Variants in SLC8A1 observed in about 807,000 individuals in gnomAD.
The protein encoded by SLC8A1 is solute carrier family 8 member A1.
Under a neutral mutation model 68.3 loss-of-function variants are expected in SLC8A1, and 18 were observed. The ratio of observed to expected loss-of-function variants is 0.26; its 90% confidence interval spans 0.18 to 0.39. The LOEUF (loss-of-function observed/expected upper bound fraction) is 0.39, where lower values mean the gene tolerates loss of function less well. SLC8A1 is among the 10% of genes least tolerant of loss of function. SLC8A1 has a pLI of 1.00. For missense variants in SLC8A1, 985 were observed against 1,156.7 expected (o/e 0.85, Z 2.15); for synonymous variants, 475 against 415.5 (o/e 1.14, Z -1.74).
intron 2 of SLC8A1, among the ~76,000 whole-genome samples, chr2:40,246,680 T>A (rs1233385499): frequency 6.6e-6 from 1 of 152,196 alleles, no homozygotes; most frequent in Non-Finnish European, 1.5e-5. Context: ...ACTTCATTAA[T>A]TCCAGAAGAT....
chr2:40,170,929 C>A (rs2047376507), intron 4 of SLC8A1, among the ~76,000 whole-genome samples: 1 of 152,114 alleles, frequency 6.6e-6, no homozygotes, highest in Admixed American at 6.5e-5. Context: ...TTATGTACGC[C>A]TGTAGGTTTT....
intron 2 of SLC8A1, among the ~76,000 whole-genome samples, chr2:40,185,363 A>G (rs1444167904): frequency 1.3e-5 from 2 of 152,232 alleles, no homozygotes. Context: ...TGATAAATGG[A>G]TAAATAATAT....
chr2:40,281,263 T>TG (rs549673263), intron 2 of SLC8A1, among the ~76,000 whole-genome samples: 78 of 151,808 alleles, frequency 5.1e-4, no homozygotes, highest in East Asian at 4.3e-3. Context: ...AAAAAAGGGT[T>TG]GGGGGGGTGC....
At chr2:40,444,356 A>G (rs552523714) in intron 1 of SLC8A1, among the ~76,000 whole-genome samples, 25 of 152,242 alleles carry the variant, frequency 1.6e-4, no homozygotes, top group Non-Finnish European at 2.6e-4. Flanking sequence ...GTAAAATTAA[A>G]AAGTCATCTG....
intron 2 of SLC8A1, among the ~76,000 whole-genome samples, chr2:40,218,467 T>C (rs556359307): frequency 5.9e-5 from 9 of 152,312 alleles, no homozygotes; most frequent in African/African-American, 1.9e-4. Flanking sequence ...TTAATTGTGG[T>C]TTTTACAATT....
chr2:40,168,146 A>G (rs1009424544), intron 4 of SLC8A1, among the ~76,000 whole-genome samples: 2 of 152,076 alleles, frequency 1.3e-5, no homozygotes, highest in African/African-American at 4.8e-5. Context: ...TGTAATGGGG[A>G]CAGGAATAGA....
chr2:40,273,453 G>C (rs2066305012), intron 2 of SLC8A1, among the ~76,000 whole-genome samples: 1 of 152,086 alleles, frequency 6.6e-6, no homozygotes, highest in African/African-American at 2.4e-5. Flanking sequence ...TCCTACGAAT[G>C]GATGAGTCAA....
intron 2 of SLC8A1, among the ~76,000 whole-genome samples, chr2:40,205,138 C>A (rs1354239791): frequency 5.9e-5 from 9 of 151,994 alleles, no homozygotes; most frequent in Admixed American, 5.3e-4. Flanking sequence ...AAAAATACAA[C>A]ATGCATAAGT....
At chr2:40,202,470 A>G (rs1206307593) in intron 2 of SLC8A1, among the ~76,000 whole-genome samples, 1 of 152,038 alleles carries the variant, frequency 6.6e-6, no homozygotes, top group African/African-American at 2.4e-5. Flanking sequence ...TGAACTATAA[A>G]CATCTTCAGA....
chr2:40,269,550 T>C (rs2065767016), intron 2 of SLC8A1, among the ~76,000 whole-genome samples: 1 of 152,142 alleles, frequency 6.6e-6, no homozygotes, highest in Non-Finnish European at 1.5e-5. Context: ...TCCCATAGGT[T>C]CATGACCTGA....
At chr2:40,474,920 A>G (rs1704188435) in intron 1 of SLC8A1, among the ~76,000 whole-genome samples, 2 of 152,344 alleles carry the variant, frequency 1.3e-5, no homozygotes, top group Admixed American at 1.3e-4. Flanking sequence ...CTGAAAGAAT[A>G]AGACATAACA....
At chr2:40,493,539 TA>T (rs1559769315) in intron 1 of SLC8A1, among the ~76,000 whole-genome samples, 1 of 151,334 alleles carries the variant, frequency 6.6e-6, no homozygotes, top group Non-Finnish European at 1.5e-5. Flanking sequence ...AAAAGAAGCT[TA>T]GGTTCAGAAA....
intron 2 of SLC8A1, among the ~76,000 whole-genome samples, chr2:40,278,382 T>C (rs140333044): frequency 0.13 from 20,264 of 151,974 alleles, 1,723 homozygotes; most frequent in East Asian, 0.43. Flanking sequence ...GGAGGAAGAA[T>C]TGCTTGAACC....
chr2:40,497,341 G>T (rs1576670982), intron 1 of SLC8A1, among the ~76,000 whole-genome samples: 1 of 152,036 alleles, frequency 6.6e-6, no homozygotes, highest in East Asian at 1.9e-4. Context: ...CAGACACTGT[G>T]TCAAGTCCTG....
chr2:40,170,796 G>T (rs2047342687), intron 4 of SLC8A1, among the ~76,000 whole-genome samples: 1 of 152,196 alleles, frequency 6.6e-6, no homozygotes, highest in Non-Finnish European at 1.5e-5. Context: ...TATAGAAATA[G>T]TGTACTAGTG....
intron 2 of SLC8A1, among the ~76,000 whole-genome samples, chr2:40,362,671 TATA>T (rs1674954706): frequency 6.6e-6 from 1 of 152,152 alleles, no homozygotes; most frequent in Non-Finnish European, 1.5e-5. Context: ...CTTGGGTGGG[TATA>T]ATATTCCAAA....
chr2:40,416,086 C>T (rs1167844188), intron 2 of SLC8A1, among the ~76,000 whole-genome samples: 1 of 149,118 alleles, frequency 6.7e-6, no homozygotes, highest in Non-Finnish European at 1.5e-5. Flanking sequence ...GCAACCTCTC[C>T]ACTTTTCTGA....
intron 1 of SLC8A1, among the ~76,000 whole-genome samples, chr2:40,469,077 A>T (rs1703859287): frequency 6.6e-6 from 1 of 152,184 alleles, no homozygotes; most frequent in Non-Finnish European, 1.5e-5. Flanking sequence ...CCATAATCTC[A>T]TCAAAGATCC....
At chr2:40,446,950 T>C (rs116792680) in intron 1 of SLC8A1, among the ~76,000 whole-genome samples, 391 of 152,346 alleles carry the variant, frequency 2.6e-3, no homozygotes, top group African/African-American at 9.0e-3. Flanking sequence ...GCTCCATAAA[T>C]ATCATAATTT....
Sources: gnomAD v4.1 joint callset for allele counts (sites outside exome capture counted in the v4.1 genomes callset) on GRCh38, gnomAD v4.1.1 for gene constraint, MANE v1.5 for transcripts, NCBI Gene and HGNC (gene_info 2026-07-23, HGNC 2026-07-21) for gene names.